MACROD2: variants seen among roughly 807,000 people sequenced by gnomAD.
MACROD2 encodes the protein ADP-ribose glycohydrolase MACROD2.
In MACROD2, 36 loss-of-function variants were observed where a neutral mutation model predicts 70.4. The observed-to-expected ratio is 0.51, with a 90% CI of 0.39 to 0.68. The LOEUF is 0.68. Ranked by LOEUF, MACROD2 falls within the 30% of genes least tolerant of loss-of-function variation. The pLI is 0.00. For synonymous variants in MACROD2, 172 were observed against 178.8 expected (o/e 0.96, Z 0.30); for missense variants, 496 against 538.4 (o/e 0.92, Z 0.78).
In MACROD2 at chr20:15,219,453, C is replaced by T. The variant is rs142938610; in HGVS notation, c.419-10487C>T. Among the ~76,000 whole-genome samples, 154 of 152,280 alleles carry T rather than the reference C, an allele frequency of 1.0e-3. 1 individual carries two copies. Among genetic ancestry groups the T allele is most frequent in the Middle Eastern group, 3.4e-3 (1 of 294 alleles). ...TATTATTTAAATATTTTATCATTCT[C>T]AGTCCACCAACACTTTGTTCATATT... is the stretch of plus-strand genomic sequence containing the variant. On this transcript the variant is annotated intron_variant, in intron 5 of 17. Coordinates refer to ENST00000684519, the MANE Select transcript of MACROD2 (RefSeq NM_001351661.2).
chr20:14,325,389 G>A, intron 3 of MACROD2: 1 of 607,428 alleles, frequency 1.6e-6, no homozygotes, highest in Non-Finnish European at 2.6e-6. Context: ...CCTGAAATTT[G>A]AAACTTTTAA....
At chr20:15,389,343 G>A (rs1055808291) in intron 6 of MACROD2, among the ~76,000 whole-genome samples, 3 of 152,208 alleles carry the variant, frequency 2.0e-5, no homozygotes, top group South Asian at 2.1e-4. Context: ...TGTGAAGAAG[G>A]AGAAGGAAGA....
intron 8 of MACROD2, among the ~76,000 whole-genome samples, chr20:15,698,777 T>C (rs1280571609): frequency 2.0e-5 from 3 of 152,116 alleles, no homozygotes; most frequent in Non-Finnish European, 4.4e-5. Context: ...ATTTTCTTAC[T>C]CCTTTTACTT....
At chr20:15,302,498 A>G (rs1379453480) in intron 6 of MACROD2, among the ~76,000 whole-genome samples, 1 of 152,328 alleles carries the variant, frequency 6.6e-6, no homozygotes, top group East Asian at 1.9e-4. Context: ...ACTCCTTCCA[A>G]AAGAGTTGGT....
At chr20:15,164,396 A>G (rs2076368854) in intron 5 of MACROD2, among the ~76,000 whole-genome samples, 1 of 152,102 alleles carries the variant, frequency 6.6e-6, no homozygotes, top group South Asian at 2.1e-4. Flanking sequence ...GGAAGGAGAG[A>G]GGCCTTGAAC....
At chr20:15,099,652 T>G (rs961708416) in intron 5 of MACROD2, among the ~76,000 whole-genome samples, 1 of 152,074 alleles carries the variant, frequency 6.6e-6, no homozygotes, top group Non-Finnish European at 1.5e-5. Flanking sequence ...AACAAACACC[T>G]AAAAATATGG....
At chr20:14,517,526 G>A (rs796977047) in intron 4 of MACROD2, among the ~76,000 whole-genome samples, 115 of 152,190 alleles carry the variant, frequency 7.6e-4, no homozygotes, top group African/African-American at 2.6e-3. Context: ...ATCACACACC[G>A]GGGCCTGTCA....
intron 2 of MACROD2, among the ~76,000 whole-genome samples, chr20:14,006,989 A>T (rs1181147171): frequency 6.6e-6 from 1 of 152,118 alleles, no homozygotes; most frequent in Non-Finnish European, 1.5e-5. Context: ...CTCAGTAGTG[A>T]TAAGATTGAT....
chr20:15,841,501 C>T (rs144264433), intron 8 of MACROD2, among the ~76,000 whole-genome samples: 12 of 152,168 alleles, frequency 7.9e-5, no homozygotes, highest in African/African-American at 2.4e-4. Flanking sequence ...GAAGTAGGCA[C>T]GTCTTACATG....
At chr20:14,973,903 G>A (rs1354749088) in intron 5 of MACROD2, among the ~76,000 whole-genome samples, 1 of 152,122 alleles carries the variant, frequency 6.6e-6, no homozygotes, top group Non-Finnish European at 1.5e-5. Flanking sequence ...AAGGTAAAGT[G>A]AAGTAAGATG....
intron 6 of MACROD2, among the ~76,000 whole-genome samples, chr20:15,340,748 T>C (rs1228344715): frequency 6.6e-6 from 1 of 151,350 alleles, no homozygotes; most frequent in African/African-American, 2.4e-5. Flanking sequence ...TGCTTCTCTG[T>C]CTACACTCCA....
At chr20:14,432,673 T>C (rs1182873620) in intron 3 of MACROD2, among the ~76,000 whole-genome samples, 3 of 152,138 alleles carry the variant, frequency 2.0e-5, no homozygotes, top group Admixed American at 1.3e-4. Context: ...AAATAGTTTA[T>C]CTGGAGCACT....
At chr20:15,939,085 A>C (rs1470796862) in intron 12 of MACROD2, among the ~76,000 whole-genome samples, 1 of 152,244 alleles carries the variant, frequency 6.6e-6, no homozygotes, top group African/African-American at 2.4e-5. Flanking sequence ...TTAAGGAAAC[A>C]AGCTGTTTCC....
intron 4 of MACROD2, among the ~76,000 whole-genome samples, chr20:14,600,155 C>T (rs1023163769): frequency 6.6e-6 from 1 of 151,702 alleles, no homozygotes; most frequent in East Asian, 1.9e-4. Context: ...GCAATGCACA[C>T]AAAAAAACTG....
chr20:14,631,225 C>T (rs1443860814), intron 4 of MACROD2, among the ~76,000 whole-genome samples: 1 of 152,062 alleles, frequency 6.6e-6, no homozygotes, highest in East Asian at 1.9e-4. Flanking sequence ...AGGAGATTTA[C>T]AGCAACCAAT....
At chr20:15,955,292 T>C (rs1045962974) in intron 12 of MACROD2, among the ~76,000 whole-genome samples, 2 of 152,196 alleles carry the variant, frequency 1.3e-5, no homozygotes, top group Non-Finnish European at 2.9e-5. Context: ...GTCCTGATTA[T>C]GGAGGACTCT....
chr20:15,913,574 T>C (rs1319521798), intron 10 of MACROD2, among the ~76,000 whole-genome samples: 2 of 152,194 alleles, frequency 1.3e-5, no homozygotes, highest in Non-Finnish European at 2.9e-5. Context: ...TTCCTGAAAA[T>C]TGTAACATAC....
At chr20:15,592,096 C>T (rs2048688248) in intron 8 of MACROD2, among the ~76,000 whole-genome samples, 1 of 152,170 alleles carries the variant, frequency 6.6e-6, no homozygotes, top group South Asian at 2.1e-4. Flanking sequence ...CTGGCATTTG[C>T]TACTCGGTAG....
chr20:15,346,203 C>G (rs901005213), intron 6 of MACROD2, among the ~76,000 whole-genome samples: 2 of 152,078 alleles, frequency 1.3e-5, no homozygotes, highest in African/African-American at 2.4e-5. Flanking sequence ...CCTCCAGCCT[C>G]AGCCACCCAA....
Sources: gnomAD v4.1 joint callset for allele counts (sites outside exome capture counted in the v4.1 genomes callset) on GRCh38, gnomAD v4.1.1 for gene constraint, MANE v1.5 for transcripts, NCBI Gene and HGNC (gene_info 2026-07-23, HGNC 2026-07-21) for gene names.